CADM2: variants seen among roughly 807,000 people sequenced by gnomAD.
The protein encoded by CADM2 is immunoglobulin superfamily member 4D.
Under a neutral mutation model 49.8 loss-of-function variants are expected in CADM2, and 12 were observed. The ratio of observed to expected loss-of-function variants is 0.24; its 90% CI spans 0.15 to 0.39. The LOEUF (loss-of-function observed/expected upper bound fraction) is 0.39, where lower values mean the gene tolerates loss of function less well. CADM2 is among the 10% of genes least tolerant of loss of function. The pLI is 1.00. For missense variants in CADM2, 378 were observed against 492.3 expected, an observed-to-expected ratio of 0.77 and a Z score of 2.20; for synonymous variants, 214 against 175.4, an observed-to-expected ratio of 1.22 and a Z score of -1.74.
At chr3:85,410,238 C>A (rs1315482418) in intron 1 of CADM2, among the ~76,000 whole-genome samples, 3 of 152,114 alleles carry the variant, frequency 2.0e-5, no homozygotes, top group Non-Finnish European at 4.4e-5. Flanking sequence ...ATATCATATC[C>A]CAAGACTTGT....
chr3:85,293,818 C>A lies in CADM2; in HGVS notation c.61+334150C>A, dbSNP rs1050810273. ...ATAATAAGAGCTATCTATGACAAAC[C>A]CACAGCCAATATCATACTGAATGGG... On this transcript the variant is annotated intron_variant, in intron 1 of 9. Transcript: ENST00000383699. Among the ~76,000 whole-genome samples, 292 of 147,896 alleles carry A rather than the reference C, an allele frequency of 2.0e-3. 1 individual carries two copies. Among genetic ancestry groups the A allele is most frequent in the African/African-American group, 7.2e-3 (286 of 39,930 alleles).
intron 1 of CADM2, among the ~76,000 whole-genome samples, chr3:85,299,261 C>A (rs140003894): frequency 1.3e-5 from 2 of 152,008 alleles, no homozygotes; most frequent in East Asian, 3.9e-4. Context: ...CAGTTTTTTT[C>A]ATAAGATTAA....
At chr3:85,730,610 T>A (rs1185831664) in intron 2 of CADM2, among the ~76,000 whole-genome samples, 2 of 152,120 alleles carry the variant, frequency 1.3e-5, no homozygotes, top group Admixed American at 6.6e-5. Context: ...TTTAACAAGA[T>A]CATCACTGCT....
At chr3:85,921,557 T>C (rs749576950) in intron 6 of CADM2, among the ~76,000 whole-genome samples, 6 of 152,092 alleles carry the variant, frequency 3.9e-5, no homozygotes, top group Non-Finnish European at 7.4e-5. Flanking sequence ...AGGGTTCCCA[T>C]ATACACCCTC....
intron 1 of CADM2, among the ~76,000 whole-genome samples, chr3:84,990,710 GATTGATAACTGGGCATAGTCTAAC>G: frequency 6.6e-6 from 1 of 152,170 alleles, no homozygotes; most frequent in East Asian, 1.9e-4. Flanking sequence ...GAATCAAAGT[GATTGATAACTGGGCATAGTCTAAC>G]ATTCCTTAAA....
intron 1 of CADM2, among the ~76,000 whole-genome samples, chr3:85,515,432 T>A (rs1355674232): frequency 6.7e-6 from 1 of 148,784 alleles, no homozygotes; most frequent in African/African-American, 2.5e-5. Context: ...TTTCTTTTTT[T>A]TTTTATTATT....
At chr3:85,037,258 A>G (rs1325744614) in intron 1 of CADM2, among the ~76,000 whole-genome samples, 1 of 152,216 alleles carries the variant, frequency 6.6e-6, no homozygotes, top group Non-Finnish European at 1.5e-5. Flanking sequence ...AGTGGTACAT[A>G]TGAATGGTGT....
chr3:85,336,967 A>T (rs62253078), intron 1 of CADM2, among the ~76,000 whole-genome samples: 5 of 16,434 alleles, frequency 3.0e-4, no homozygotes, highest in Admixed American at 2.3e-3. Context: ...TATATATATT[A>T]AATATATATT....
intron 3 of CADM2, among the ~76,000 whole-genome samples, chr3:85,829,330 T>C (rs2074073863): frequency 6.6e-6 from 1 of 151,854 alleles, no homozygotes; most frequent in Non-Finnish European, 1.5e-5. Context: ...TACCTATTTA[T>C]GTACTAGAGT....
chr3:85,065,566 G>T lies in CADM2; in HGVS notation c.61+105898G>T, dbSNP rs149040486. Among the ~76,000 whole-genome samples, 684 of 152,074 alleles carry T rather than the reference G, an allele frequency of 4.5e-3. 5 individuals are homozygous for T. The highest frequency in any genetic ancestry group is 0.016 in the African/African-American group (660 of 41,524). ...TGTAACAAGTTCATAATTAACATTT[G>T]CTCACACACAGAATGCTTTCAAAGC... On this transcript the variant is annotated intron_variant, in intron 1 of 9. Coordinates refer to ENST00000383699, the MANE Select transcript of CADM2 (RefSeq NM_001167675.2).
At chr3:85,615,126 A>G (rs2063765818) in intron 1 of CADM2, among the ~76,000 whole-genome samples, 1 of 151,834 alleles carries the variant, frequency 6.6e-6, no homozygotes, top group South Asian at 2.1e-4. Context: ...TTATTTATTT[A>G]TAATTTCATA....
chr3:85,029,220 G>A (rs929302443), intron 1 of CADM2, among the ~76,000 whole-genome samples: 1 of 151,934 alleles, frequency 6.6e-6, no homozygotes, highest in Non-Finnish European at 1.5e-5. Context: ...GTATTGAAAA[G>A]TTTGTCATTT....
At chr3:85,869,074 A>G (rs1037642211) in intron 3 of CADM2, among the ~76,000 whole-genome samples, 4 of 152,064 alleles carry the variant, frequency 2.6e-5, no homozygotes, top group Non-Finnish European at 5.9e-5. Flanking sequence ...TTTAAGAATG[A>G]TATCCCTTTT....
At chr3:85,455,664 G>T (rs1014458085) in intron 1 of CADM2, among the ~76,000 whole-genome samples, 1 of 152,050 alleles carries the variant, frequency 6.6e-6, no homozygotes, top group African/African-American at 2.4e-5. Flanking sequence ...AATATCACAG[G>T]ATCCTGTAGT....
chr3:85,601,149 T>C (rs1167061087), intron 1 of CADM2, among the ~76,000 whole-genome samples: 11 of 124,118 alleles, frequency 8.9e-5, no homozygotes, highest in African/African-American at 2.6e-4. Flanking sequence ...TATATATATA[T>C]ATATATATAT....
At chr3:85,484,499 A>C (rs2039338542) in intron 1 of CADM2, among the ~76,000 whole-genome samples, 1 of 152,022 alleles carries the variant, frequency 6.6e-6, no homozygotes, top group South Asian at 2.1e-4. Flanking sequence ...TTTTGAATTA[A>C]ATTTGTATTC....
At chr3:85,824,025 G>A (rs1186952310) in intron 3 of CADM2, among the ~76,000 whole-genome samples, 1 of 152,148 alleles carries the variant, frequency 6.6e-6, no homozygotes, top group African/African-American at 2.4e-5. Flanking sequence ...ACTACAGTAT[G>A]AGACAGTGCT....
rs941968189 is a variant in CADM2 at position 85,288,793 on chromosome 3, C to CCCA, written c.61+329127_61+329128insACC. The stretch of plus-strand genomic sequence containing the variant: ...TCTGCTTTACCAATATGCCCCCCCC[C>CCCA]CCTCTTTTTTTCCATCATGGCTAAT... On this transcript the variant is annotated intron_variant, in intron 1 of 9. Transcript: ENST00000383699. Among the ~76,000 whole-genome samples the CCCA allele has an allele frequency of 2.1e-4, 29 of 136,370 alleles. 1 individual carries two copies. The highest frequency in any genetic ancestry group is 4.1e-4 in the Non-Finnish European group (25 of 61,690). The allele number at this position is 136,370 out of a possible 152,430, so 89.5% of individuals were successfully genotyped here.
chr3:86,049,985 T>C (rs1406547602), intron 8 of CADM2, among the ~76,000 whole-genome samples: 1 of 152,180 alleles, frequency 6.6e-6, no homozygotes, highest in Non-Finnish European at 1.5e-5. Flanking sequence ...AATCATGCTT[T>C]TCCAGAAGTC....
Sources: gnomAD v4.1 joint callset for allele counts (sites outside exome capture counted in the v4.1 genomes callset) on GRCh38, gnomAD v4.1.1 for gene constraint, MANE v1.5 for transcripts, NCBI Gene and HGNC (gene_info 2026-07-23, HGNC 2026-07-21) for gene names.